ATF7IP: variants seen among roughly 807,000 people sequenced by gnomAD.
The protein encoded by ATF7IP is activating transcription factor 7 interacting protein, also known as activating transcription factor 7-interacting protein 1.
Under a neutral mutation model 106.4 loss-of-function variants are expected in ATF7IP, and 23 were observed. That is an observed-to-expected ratio of 0.22 (90% CI 0.16 to 0.31). The LOEUF (loss-of-function observed/expected upper bound fraction) is 0.31. ATF7IP is among the 10% of genes least tolerant of loss of function. The pLI is 1.00. For synonymous variants in ATF7IP, 542 were observed against 539.0 expected (o/e 1.01, Z -0.08); for missense variants, 1,334 against 1,524.3 (o/e 0.88, Z 2.08).
intron 6 of ATF7IP, among the ~76,000 whole-genome samples, chr12:14,454,280 G>A (rs1240709136): frequency 6.6e-6 from 1 of 152,068 alleles, no homozygotes; most frequent in Non-Finnish European, 1.5e-5. Flanking sequence ...TGCTATAGCA[G>A]CCTCTGGTAC....
chr12:14,399,258 C>T (rs77701545), intron 1 of ATF7IP, among the ~76,000 whole-genome samples: 2,357 of 152,166 alleles, frequency 0.015, 24 homozygotes, highest in Non-Finnish European at 0.019. Flanking sequence ...ATATTTATTT[C>T]CTCACTCTTG....
At chr12:14,486,116 G>C (rs189200602) in intron 13 of ATF7IP, among the ~76,000 whole-genome samples, 1 of 152,136 alleles carries the variant, frequency 6.6e-6, no homozygotes, top group Non-Finnish European at 1.5e-5. Context: ...GTATGTCAGT[G>C]CCAATTATGC....
chr12:14,499,414 TAG>T lies in ATF7IP; in HGVS notation c.*1345_*1346del, dbSNP rs1945103919. On this transcript the variant is annotated 3_prime_UTR_variant, in exon 15 of 15. Transcript: ENST00000261168. ...TTAGTATCCGTGTTGCACACTGTGT[TAG>T]AGATTATGAAAACCATTCTAGTTCA... is the stretch of plus-strand genomic sequence containing the variant. The T allele has an allele frequency of 6.6e-6, 1 of 152,232 alleles. No homozygotes were observed. Among genetic ancestry groups the T allele is most frequent in the Non-Finnish European group, 1.5e-5 (1 of 68,048 alleles). 9.4% of individuals were successfully genotyped at this position (152,232 alleles called of 1,614,324 possible). A position where few individuals can be genotyped will look rare whatever the true frequency, so the allele number is the denominator to read the frequency against.
At chr12:14,470,778 A>C (rs1047224892) in intron 10 of ATF7IP, among the ~76,000 whole-genome samples, 2 of 152,230 alleles carry the variant, frequency 1.3e-5, no homozygotes, top group African/African-American at 4.8e-5. Context: ...ATAATTATGG[A>C]AATAATTACC....
At chr12:14,447,345 C>T (rs1943020547) in intron 6 of ATF7IP, among the ~76,000 whole-genome samples, 1 of 142,364 alleles carries the variant, frequency 7.0e-6, no homozygotes, top group South Asian at 2.2e-4. Flanking sequence ...GCAGTGGCAC[C>T]ATCTTGGTTC....
At chr12:14,442,658 G>T (rs1286142124) in intron 5 of ATF7IP, among the ~76,000 whole-genome samples, 13 of 152,134 alleles carry the variant, frequency 8.5e-5, no homozygotes, top group Non-Finnish European at 1.9e-4. Context: ...ATATGTTTTA[G>T]TATAATTATC....
chr12:14,412,754 C>T (rs1591813444), intron 1 of ATF7IP, among the ~76,000 whole-genome samples: 1 of 151,748 alleles, frequency 6.6e-6, no homozygotes, highest in African/African-American at 2.4e-5. Flanking sequence ...TGGCTCATGC[C>T]TGTAATCCCA....
chr12:14,501,461 TG>T lies in ATF7IP; in HGVS notation c.*3389del, dbSNP rs1447743341. The T allele has an allele frequency of 6.6e-6, 1 of 152,220 alleles. No individual in the cohort carries two copies. The highest frequency in any genetic ancestry group is 6.5e-5 in the Admixed American group (1 of 15,268). The allele number at this position is 152,220 out of a possible 1,614,324, so 9.4% of individuals were successfully genotyped here. A position where few individuals can be genotyped will look rare whatever the true frequency, so the allele number is the denominator to read the frequency against. ...GTGAGTAAGCCTCTTCTAAAAATCTTGTTCTTGCCAAGAAATTTATAAATCA... is the reference window on the plus strand; with the variant it reads ...GTGAGTAAGCCTCTTCTAAAAATCTTTTCTTGCCAAGAAATTTATAAATCA... On this transcript the variant is annotated 3_prime_UTR_variant, in exon 15 of 15. Coordinates refer to ENST00000261168, the MANE Select transcript of ATF7IP (RefSeq NM_018179.5).
intron 1 of ATF7IP, among the ~76,000 whole-genome samples, chr12:14,402,554 A>G (rs1940302804): frequency 6.6e-6 from 1 of 150,980 alleles, no homozygotes; most frequent in Non-Finnish European, 1.5e-5. Context: ...ATTTCATAAG[A>G]CAGTTCTAAT....
intron 6 of ATF7IP, among the ~76,000 whole-genome samples, chr12:14,453,355 C>T (rs1943280906): frequency 6.6e-6 from 1 of 152,092 alleles, no homozygotes; most frequent in Non-Finnish European, 1.5e-5. Context: ...GTCCTTTAGA[C>T]TTTCTTAGCT....
intron 1 of ATF7IP, among the ~76,000 whole-genome samples, chr12:14,411,152 GA>G (rs1311260437): frequency 1.3e-5 from 2 of 152,136 alleles, no homozygotes; most frequent in East Asian, 3.8e-4. Flanking sequence ...CCTAGGAATG[GA>G]ATTGCTGGAT....
intron 1 of ATF7IP, among the ~76,000 whole-genome samples, chr12:14,411,824 GCTT>G (rs1168998347): frequency 6.7e-6 from 1 of 149,142 alleles, no homozygotes; most frequent in African/African-American, 2.5e-5. Context: ...TTCTTTTATT[GCTT>G]CTTCTCTTTG....
chr12:14,376,265 G>T (rs553410486), intron 1 of ATF7IP, among the ~76,000 whole-genome samples: 1 of 152,290 alleles, frequency 6.6e-6, no homozygotes, highest in African/African-American at 2.4e-5. Flanking sequence ...AAAAACATCT[G>T]CTGGACATGC....
chr12:14,406,563 G>A (rs1240006030), intron 1 of ATF7IP, among the ~76,000 whole-genome samples: 2 of 150,282 alleles, frequency 1.3e-5, no homozygotes, highest in African/African-American at 4.9e-5. Flanking sequence ...GTTAAATTTT[G>A]GATATCTGTT....
At chr12:14,436,982 A>G (rs996071372) in intron 4 of ATF7IP, among the ~76,000 whole-genome samples, 2 of 152,230 alleles carry the variant, frequency 1.3e-5, no homozygotes, top group East Asian at 1.9e-4. Context: ...AGCTGGTTTC[A>G]TGGTTATAAG....
Position 14,456,542 on chromosome 12 carries a change from A to T in ATF7IP, c.1996-19A>T. ...TGTGTTGAGTTTTATTTTTACCTTGATTTTTTTTTCTCCCCCAGCATCCAC... is the reference window on the plus strand; with the variant it reads ...TGTGTTGAGTTTTATTTTTACCTTGTTTTTTTTTTCTCCCCCAGCATCCAC... On this transcript the variant is annotated intron_variant, in intron 6 of 14. Coordinates refer to ENST00000261168, the MANE Select transcript of ATF7IP (RefSeq NM_018179.5). The T allele has an allele frequency of 6.3e-7, 1 of 1,575,466 alleles. No individual in the cohort carries two copies. The highest frequency in any genetic ancestry group is 8.7e-7 in the Non-Finnish European group (1 of 1,150,706).
chr12:14,458,647 ACTCT>A (rs577777380), intron 8 of ATF7IP, among the ~76,000 whole-genome samples: 156 of 152,162 alleles, frequency 1.0e-3, no homozygotes, highest in African/African-American at 3.6e-3. Flanking sequence ...ACATAGTGAA[ACTCT>A]CTCTCTACAA....
chr12:14,440,425 A>G (rs908588513), intron 5 of ATF7IP, among the ~76,000 whole-genome samples: 1 of 152,096 alleles, frequency 6.6e-6, no homozygotes, highest in Admixed American at 6.5e-5. Context: ...TTAAATTTTA[A>G]TCTCTTAATT....
intron 10 of ATF7IP, among the ~76,000 whole-genome samples, chr12:14,474,603 AT>A (rs1229639831): frequency 6.6e-6 from 1 of 151,822 alleles, no homozygotes; most frequent in Non-Finnish European, 1.5e-5. Context: ...GTTTCACTAT[AT>A]TGGCCAGGCT....
Sources: allele counts gnomAD v4.1 joint callset (sites outside exome capture counted in the v4.1 genomes callset), GRCh38; gene constraint gnomAD v4.1.1; transcripts MANE v1.5; gene names NCBI Gene and HGNC (gene_info 2026-07-23, HGNC 2026-07-21).